NRIP2: variants seen among roughly 807,000 people sequenced by gnomAD.
NRIP2 encodes the protein nuclear receptor interacting protein 2, also known as nuclear receptor-interacting protein 2.
NRIP2 carries 27 observed loss-of-function variants against 34.1 expected under a neutral mutation model. The ratio of observed to expected loss-of-function variants is 0.79; its 90% confidence interval spans 0.58 to 1.09. The LOEUF (loss-of-function observed/expected upper bound fraction) is 1.09, where lower values mean the gene tolerates loss of function less well. NRIP2 is among the 50% of genes least tolerant of loss of function. The pLI, the probability that NRIP2 is intolerant of heterozygous loss-of-function variation, is 0.00. For synonymous variants in NRIP2, 145 were observed against 146.9 expected, an observed-to-expected ratio of 0.99 and a Z score of 0.09; for missense variants, 385 against 352.6, an observed-to-expected ratio of 1.09 and a Z score of -0.74.
Position 2,827,092 on chromosome 12 carries a change from A to C in NRIP2, c.*115T>G. The C allele has an allele frequency of 6.5e-7, 1 of 1,539,752 alleles. No individual in the cohort carries two copies. Among genetic ancestry groups the C allele is most frequent in the African/African-American group, 1.4e-5 (1 of 72,078 alleles). On this transcript the variant is annotated 3_prime_UTR_variant, in exon 6 of 6. Coordinates refer to ENST00000337508, the MANE Select transcript of NRIP2 (RefSeq NM_031474.3). The surrounding 1 kb of genome is among the most constrained non-coding windows in gnomAD (Gnocchi z 4.0). ...TGGGACAGCAGGGGTCAGGGAGGTG[A>C]TTGGAAGGGCAGACACCATAGTCCC...
rs1300484576 is a variant in NRIP2 at position 2,834,937 on chromosome 12, C to G, written c.47G>C (p.Trp16Ser). Reference protein sequence around the residue: ...PLSLPWRPSCWKESCSTGQRQ... With the variant: ...PLSLPWRPSCSKESCSTGQRQ... ...CTGTCCCGTGCTGCAGCTCTCTTTCCAACAGGAGGGTCTCCACGGGAGGGA... is the reference window on the plus strand; with the variant it reads ...CTGTCCCGTGCTGCAGCTCTCTTTCGAACAGGAGGGTCTCCACGGGAGGGA... The change falls in exon 1 of 6, where the codon TGG (tryptophan) becomes TCG (serine). Residue 16 changes from tryptophan (W) to serine (S), a missense_variant. Transcript: ENST00000337508. The G allele has an allele frequency of 2.5e-6, 4 of 1,609,226 alleles. No homozygotes were observed. The highest frequency in any genetic ancestry group is 3.4e-6 in the Non-Finnish European group (4 of 1,177,844).
chr12:2,830,513 A>G, intron 2 of NRIP2, 195 bp downstream of exon 2: 1 of 535,634 alleles, frequency 1.9e-6, no homozygotes, highest in East Asian at 3.2e-5. Flanking sequence ...GTGGTGACAG[A>G]TGGAGTTGCA....
chr12:2,830,942 C>T, intron 1 of NRIP2, 82 bp from the exon 2 acceptor site: 1 of 1,470,800 alleles, frequency 6.8e-7, no homozygotes, highest in East Asian at 2.3e-5. Context: ...TTAGATACCC[C>T]AGGATGCTCC....
chr12:2,832,427 C>G (rs1472933793), intron 1 of NRIP2, among the ~76,000 whole-genome samples: 3 of 151,912 alleles, frequency 2.0e-5, no homozygotes. Context: ...CCTCTCTCCT[C>G]TCTTCCTGAA....
In NRIP2 at chr12:2,834,681, C is replaced by A; in HGVS notation, c.303G>T (p.Pro101=). 2 of 1,611,880 alleles carry A rather than the reference C, an allele frequency of 1.2e-6. No homozygotes were observed. Among genetic ancestry groups the A allele is most frequent in the Non-Finnish European group, 1.7e-6 (2 of 1,178,878 alleles). Residue 101 remains proline, a synonymous_variant, in exon 1 of 6, where the codon CCG becomes CCT. Transcript: ENST00000337508. The part of the protein sequence containing the change: ...FLHKDSADLL[P]LDSLKRLGTS... Reference sequence around the variant, plus strand: ...TGCCGAGCCTCTTGAGGCTGTCCAGCGGGAGCAGGTCGGCCGAGTCCTTGT... The same window carrying A: ...TGCCGAGCCTCTTGAGGCTGTCCAGAGGGAGCAGGTCGGCCGAGTCCTTGT...
chr12:2,832,675 A>C (rs2098009638), intron 1 of NRIP2, among the ~76,000 whole-genome samples: 1 of 147,144 alleles, frequency 6.8e-6, no homozygotes, highest in Non-Finnish European at 1.5e-5. Flanking sequence ...TATGGATTTT[A>C]CTCCCCCATT....
chr12:2,832,486 C>T (rs188739527), intron 1 of NRIP2, among the ~76,000 whole-genome samples: 173 of 152,108 alleles, frequency 1.1e-3, no homozygotes, highest in Admixed American at 3.1e-3. Flanking sequence ...ACTGGCTTAA[C>T]ACACTTTATT....
At position 2,834,836 on chromosome 12, in the gene NRIP2, C is replaced by A. The variant is rs1217021732; in HGVS notation, c.148G>T (p.Ala50Ser). ...CTGGCCTCCTGCTTGGTGCTCATGG[C>A]CCCTGCTGGAGGAGTGGGCCAGGGG... Reference protein sequence around the residue: ...SSPWPTPPAGAMSTKQEARRD... With the variant: ...SSPWPTPPAGSMSTKQEARRD... The change falls in exon 1 of 6, where the codon GCC (alanine) becomes TCC (serine). Residue 50 changes from alanine to serine, a missense_variant. Transcript: ENST00000337508. The A allele has an allele frequency of 6.2e-7, 1 of 1,613,718 alleles. No individual in the cohort carries two copies. Among genetic ancestry groups the A allele is most frequent in the East Asian group, 2.2e-5 (1 of 44,828 alleles).
Position 2,827,037 on chromosome 12 carries a change from G to A in NRIP2, c.*170C>T. 2.1e-6 allele frequency: 3 copies of A among 1,456,376 alleles called. No individual in the cohort carries two copies. Among genetic ancestry groups the A allele is most frequent in the Non-Finnish European group, 2.7e-6 (3 of 1,112,690 alleles). 90.2% of individuals were successfully genotyped at this position (1,456,376 alleles called of 1,614,324 possible). A position where few individuals can be genotyped will look rare whatever the true frequency, so the allele number is the denominator to read the frequency against. On this transcript the variant is annotated 3_prime_UTR_variant, in exon 6 of 6. Transcript: ENST00000337508. This position sits in a 1 kb window ranked among gnomAD's most constrained non-coding sequence, Gnocchi z 4.0. ...TGGGGAGTAGGACAGCTGCTGAGAA[G>A]CAGAGAGGAATGCGGCCAGCTGGGG...
At position 2,826,969 on chromosome 12, in the gene NRIP2, A is replaced by G. The variant is rs896906264; in HGVS notation, c.*238T>C. The G allele has an allele frequency of 7.4e-7, 1 of 1,345,342 alleles. No individual in the cohort carries two copies. The highest frequency in any genetic ancestry group is 9.5e-7 in the Non-Finnish European group (1 of 1,050,920). The allele number at this position is 1,345,342 out of a possible 1,614,324, so 83.3% of individuals were successfully genotyped here. A position where few individuals can be genotyped will look rare whatever the true frequency, so the allele number is the denominator to read the frequency against. The stretch of plus-strand genomic sequence containing the variant: ...TTTGCTTTTCTTGGGAGGAAGATGA[A>G]TCAGAATCCTGGCATCGTGGGCCCT... On this transcript the variant is annotated 3_prime_UTR_variant, in exon 6 of 6. Coordinates refer to ENST00000337508, the MANE Select transcript of NRIP2 (RefSeq NM_031474.3).
At position 2,834,758 on chromosome 12, in the gene NRIP2, G is replaced by A. The variant is rs73052628; in HGVS notation, c.226C>T (p.Arg76Ter). ...TRGQEAQLRD[R>*]AHLSQQRRLK... ...CGGCGCTGCTGGCTCAGGTGGGCTC[G>A]GTCTCGAAGCTGTGCCTCCTGCCCC... The change falls in exon 1 of 6, where the codon CGA becomes TGA. Residue 76 changes from arginine (R) to a stop codon, truncating the protein, a stop_gained. Transcript: ENST00000337508. LOFTEE classifies it high-confidence loss of function. The A allele has an allele frequency of 1.1e-3, 1,828 of 1,613,866 alleles. 1 individual carries two copies. Among genetic ancestry groups the A allele is most frequent in the Non-Finnish European group, 1.4e-3 (1,710 of 1,179,984 alleles).
At chr12:2,831,583 C>CA (rs1353741094) in intron 1 of NRIP2, among the ~76,000 whole-genome samples, 4,090 of 139,876 alleles carry the variant, frequency 0.029, 165 homozygotes, top group African/African-American at 0.098. Context: ...GACTCTGTCT[C>CA]AAAAAAAAAA....
chr12:2,834,644 A>G lies in NRIP2; in HGVS notation c.340T>C (p.Leu114=), dbSNP rs750589261. Residue 114 remains leucine (L), a splice_region_variant and synonymous_variant, in exon 1 of 6, where the codon TTG becomes CTG. Coordinates refer to ENST00000337508, the MANE Select transcript of NRIP2 (RefSeq NM_031474.3). ...SLKRLGTSKD[L]QPRSVIQRRL... is the part of the protein sequence containing the mutation. ...GCAGGGGAGGGGTGATGCCTCACCAAGTCCTTGGAGGTGCCGAGCCTCTTG... is the reference window on the plus strand; with the variant it reads ...GCAGGGGAGGGGTGATGCCTCACCAGGTCCTTGGAGGTGCCGAGCCTCTTG... The G allele has an allele frequency of 6.3e-7, 1 of 1,586,810 alleles. No homozygotes were observed. The highest frequency in any genetic ancestry group is 8.6e-7 in the Non-Finnish European group (1 of 1,166,162).
At position 2,830,792 on chromosome 12, in the gene NRIP2, G is replaced by C. The variant is rs776293384; in HGVS notation, c.411C>G (p.Pro137=). The C allele has an allele frequency of 1.2e-6, 2 of 1,613,664 alleles. No individual in the cohort carries two copies. The highest frequency in any genetic ancestry group is 2.2e-5 in the East Asian group (1 of 44,884). ...GNPNWLQGEP[P]RMQDLIHGQE... is the part of the protein sequence containing the mutation. Reference sequence around the variant, plus strand: ...GGCCATGAATCAGGTCCTGCATCCGGGGAGGCTCCCCCTGAAGCCAATTCG... The same window carrying C: ...GGCCATGAATCAGGTCCTGCATCCGCGGAGGCTCCCCCTGAAGCCAATTCG... Residue 137 remains proline, a synonymous_variant, in exon 2 of 6, where the codon CCC becomes CCG. Coordinates refer to ENST00000337508, the MANE Select transcript of NRIP2 (RefSeq NM_031474.3).
intron 1 of NRIP2, among the ~76,000 whole-genome samples, chr12:2,833,296 G>T (rs1465297985): frequency 1.3e-5 from 2 of 152,048 alleles, no homozygotes; most frequent in Non-Finnish European, 2.9e-5. Context: ...CGAAGAACCC[G>T]CTTCCCTGCT....
intron 2 of NRIP2, 119 bp from the exon 3 acceptor site, chr12:2,828,533 T>A: frequency 1.2e-6 from 1 of 827,224 alleles, no homozygotes; most frequent in Non-Finnish European, 2.0e-6. Flanking sequence ...GAAAATGAAC[T>A]GTCTTTAAAA....
rs2097973212 is a variant in NRIP2 at position 2,827,356 on chromosome 12, C to G, written c.754-57G>C. The G allele has an allele frequency of 1.3e-6, 2 of 1,567,378 alleles. No homozygotes were observed. Among genetic ancestry groups the G allele is most frequent in the Admixed American group, 4.0e-5 (2 of 49,420 alleles). On this transcript the variant is annotated intron_variant, in intron 5 of 5. Coordinates refer to ENST00000337508, the MANE Select transcript of NRIP2 (RefSeq NM_031474.3). This position sits in a 1 kb window ranked among gnomAD's most constrained non-coding sequence, Gnocchi z 4.0. ...CCTCAGCCCGCCACCTGCCTCCCGG[C>G]CTGCTCCTTTTGTTCCCCCTCCCAC... is the stretch of plus-strand genomic sequence containing the variant.
At position 2,826,901 on chromosome 12, in the gene NRIP2, C is replaced by T. The variant is rs947339701; in HGVS notation, c.*306G>A. 3 of 999,900 alleles carry T rather than the reference C, an allele frequency of 3.0e-6. No homozygotes were observed. The highest frequency in any genetic ancestry group is 3.5e-5 in the African/African-American group (2 of 57,834). The allele number at this position is 999,900 out of a possible 1,614,324, so 61.9% of individuals were successfully genotyped here. A position where few individuals can be genotyped will look rare whatever the true frequency, so the allele number is the denominator to read the frequency against. The stretch of plus-strand genomic sequence containing the variant: ...GAGCCTTCGACCCAGCCCAAGCAGG[C>T]ACCCCATTGTGCTTAGGTTCCTATC... On this transcript the variant is annotated 3_prime_UTR_variant, in exon 6 of 6. Transcript: ENST00000337508.
Position 2,826,160 on chromosome 12 carries a change from A to G in NRIP2, c.*1047T>C, listed in dbSNP as rs1420670420. On this transcript the variant is annotated 3_prime_UTR_variant, in exon 6 of 6. Transcript: ENST00000337508. ...TTAAGGTTCGGGTTCTTCTCTTCAC[A>G]GTGAATTCAAAAAAGCCTCTGTCTC... The G allele has an allele frequency of 6.6e-6, 1 of 151,614 alleles. No individual in the cohort carries two copies. The highest frequency in any genetic ancestry group is 6.6e-5 in the Admixed American group (1 of 15,206). 9.4% of individuals were successfully genotyped at this position (151,614 alleles called of 1,614,324 possible).
Sources: allele counts gnomAD v4.1 joint callset (sites outside exome capture counted in the v4.1 genomes callset), GRCh38; gene constraint gnomAD v4.1.1; non-coding constraint Gnocchi (gnomAD v3.1); transcripts MANE v1.5; gene names NCBI Gene and HGNC (gene_info 2026-07-23, HGNC 2026-07-21).